Variants in CLASP2 observed in about 807,000 individuals in gnomAD.
The protein encoded by CLASP2 is CLIP-associating protein 2.
In CLASP2, 47 loss-of-function variants were observed where a neutral mutation model predicts 194.4. That is an observed-to-expected ratio of 0.24 (90% CI 0.19 to 0.31). CLASP2 has a LOEUF of 0.31. Among genes scored for constraint, CLASP2 ranks in the 10% least tolerant of loss-of-function variants. CLASP2 has a pLI of 1.00. For synonymous variants in CLASP2, 619 were observed against 633.5 expected, an observed-to-expected ratio of 0.98 and a Z score of 0.34; for missense variants, 1,445 against 1,823.6, an observed-to-expected ratio of 0.79 and a Z score of 3.78.
chr3:33,643,961 C>G, intron 8 of CLASP2, among the ~76,000 whole-genome samples: 2 of 152,092 alleles, frequency 1.3e-5, no homozygotes, highest in Middle Eastern at 6.8e-3. Flanking sequence ...CTAAGACATA[C>G]ATTTATTTTT....
At chr3:33,529,623 T>G (rs951114857) in intron 34 of CLASP2, among the ~76,000 whole-genome samples, 1 of 152,176 alleles carries the variant, frequency 6.6e-6, no homozygotes, top group Non-Finnish European at 1.5e-5. Flanking sequence ...AACACACACA[T>G]TAGTCTAGTC....
chr3:33,619,117 T>C lies in CLASP2; in HGVS notation c.1317+486A>G, dbSNP rs141348762. ...AACACTCTAGGATAGAGTAACACAA[T>C]AGTAAGTATTGTGTATCGGAACATA... is the stretch of plus-strand genomic sequence containing the variant. On this transcript the variant is annotated intron_variant, in intron 12 of 38. Coordinates refer to ENST00000682230, the MANE Select transcript of CLASP2 (RefSeq NM_001365631.1). Among the ~76,000 whole-genome samples the C allele has an allele frequency of 6.8e-4, 104 of 152,254 alleles. No individual in the cohort carries two copies. The Middle Eastern group carries it at 0.017, about 25-fold the overall frequency.
chr3:33,522,219 T>A (rs973997359), intron 34 of CLASP2, among the ~76,000 whole-genome samples: 1 of 152,140 alleles, frequency 6.6e-6, no homozygotes, highest in Non-Finnish European at 1.5e-5. Context: ...TTTTTCCTTT[T>A]TGGGAGCCAG....
chr3:33,586,268 G>A (rs551833481), intron 21 of CLASP2, among the ~76,000 whole-genome samples: 2 of 152,116 alleles, frequency 1.3e-5, no homozygotes, highest in African/African-American at 4.8e-5. Flanking sequence ...CTGAGTAGGT[G>A]GGATTATAGG....
chr3:33,511,030 ATTTTTTTTT>A (rs397875429), intron 36 of CLASP2, among the ~76,000 whole-genome samples: 1 of 105,892 alleles, frequency 9.4e-6, no homozygotes, highest in African/African-American at 3.5e-5. Flanking sequence ...TGGCTAAAGT[ATTTTTTTTT>A]TTTTTTTTTT....
At chr3:33,676,888 G>A (rs947350247) in intron 6 of CLASP2, among the ~76,000 whole-genome samples, 1 of 152,258 alleles carries the variant, frequency 6.6e-6, no homozygotes, top group South Asian at 2.1e-4. Flanking sequence ...CAAAAAGTGG[G>A]CGAAGGATAT....
At chr3:33,702,164 G>A (rs2092419464) in intron 1 of CLASP2, among the ~76,000 whole-genome samples, 1 of 152,072 alleles carries the variant, frequency 6.6e-6, no homozygotes, top group South Asian at 2.1e-4. Flanking sequence ...AATTCAAGGG[G>A]CCCAGAATTG....
rs2045806033 is a variant in CLASP2, at chr3:33,496,546, A to G, written c.*2085T>C. Reference sequence around the variant, plus strand: ...AGCTTTCATTTGGACACATTAAACCATACTTTTCCATTATGTAGTTAATTC... The same window carrying G: ...AGCTTTCATTTGGACACATTAAACCGTACTTTTCCATTATGTAGTTAATTC... On this transcript the variant is annotated 3_prime_UTR_variant, in exon 39 of 39. Transcript: ENST00000682230. 2.0e-5 allele frequency: 3 copies of G among 152,270 alleles called. No individual in the cohort carries two copies. Among genetic ancestry groups the G allele is most frequent in the African/African-American group, 7.2e-5 (3 of 41,572 alleles). The allele number at this position is 152,270 out of a possible 1,614,324, so 9.4% of individuals were successfully genotyped here. A position where few individuals can be genotyped will look rare whatever the true frequency, so the allele number is the denominator to read the frequency against.
At chr3:33,705,788 T>C (rs1431222835) in intron 1 of CLASP2, among the ~76,000 whole-genome samples, 1 of 152,076 alleles carries the variant, frequency 6.6e-6, no homozygotes, top group East Asian at 1.9e-4. Context: ...CCATGGTGTA[T>C]CCACACTACA....
chr3:33,569,358 G>T (rs1488225724), intron 26 of CLASP2, among the ~76,000 whole-genome samples: 1 of 152,164 alleles, frequency 6.6e-6, no homozygotes. Context: ...TCTAGCTTTG[G>T]TCTTATATCT....
At chr3:33,543,717 T>C (rs1366916338) in intron 31 of CLASP2, among the ~76,000 whole-genome samples, 178 bp from the exon 32 acceptor site, 31 of 152,192 alleles carry the variant, frequency 2.0e-4, no homozygotes, top group Admixed American at 2.0e-3. Flanking sequence ...TCTCCCTACT[T>C]AGGAATGTAA....
At chr3:33,607,810 G>A (rs2074229138) in intron 14 of CLASP2, among the ~76,000 whole-genome samples, 1 of 152,168 alleles carries the variant, frequency 6.6e-6, no homozygotes. Context: ...ATCCACCACT[G>A]TAGAAATGAT....
At chr3:33,573,570 G>A in intron 24 of CLASP2, 1 of 599,336 alleles carries the variant, frequency 1.7e-6, no homozygotes, top group South Asian at 1.8e-5. Context: ...TATGGGAAGT[G>A]GTAGAAGCAG....
rs200173274 is a variant in CLASP2 at position 33,675,754 on chromosome 3, T to G, written c.644+8605A>C. Among the ~76,000 whole-genome samples, 1,028 of 123,516 alleles carry G rather than the reference T, an allele frequency of 8.3e-3. 10 individuals are homozygous for G. Among genetic ancestry groups the G allele is most frequent in the East Asian group, 0.022 (80 of 3,682 alleles). The allele number at this position is 123,516 out of a possible 152,430, so 81.0% of individuals were successfully genotyped here. A position where few individuals can be genotyped will look rare whatever the true frequency, so the allele number is the denominator to read the frequency against. ...TTCAGCAAAGTCTCAGGATACAAAA[T>G]CAATGTACAAAAATCACAAGCATTC... On this transcript the variant is annotated intron_variant, in intron 6 of 38. Coordinates refer to ENST00000682230, the MANE Select transcript of CLASP2 (RefSeq NM_001365631.1).
intron 25 of CLASP2, among the ~76,000 whole-genome samples, chr3:33,571,423 G>A (rs148241711): frequency 0.064 from 9,633 of 151,170 alleles, 982 homozygotes; most frequent in African/African-American, 0.22. Context: ...GAGGTCAGGA[G>A]TTTGAGACCA....
At chr3:33,685,036 T>C (rs1039539913) in intron 5 of CLASP2, among the ~76,000 whole-genome samples, 1 of 134,564 alleles carries the variant, frequency 7.4e-6, no homozygotes, top group African/African-American at 2.8e-5. Context: ...TAAATAATAA[T>C]AATAATAATA....
intron 8 of CLASP2, 75 bp downstream of exon 8, chr3:33,644,682 C>T: frequency 6.6e-7 from 1 of 1,507,878 alleles, no homozygotes. Flanking sequence ...ACATATTCCT[C>T]TGAAGTTCCA....
intron 6 of CLASP2, among the ~76,000 whole-genome samples, chr3:33,664,558 AT>A (rs1553649399): frequency 1.3e-5 from 2 of 152,184 alleles, no homozygotes; most frequent in African/African-American, 4.8e-5. Flanking sequence ...GAACTAAAAA[AT>A]TTTTTTAGTT....
At position 33,576,219 on chromosome 3, in the gene CLASP2, G is replaced by T. The variant is rs752358335; in HGVS notation, c.2404C>A (p.Arg802=). 1.1e-5 allele frequency: 17 copies of T among 1,613,782 alleles called. No homozygotes were observed. Among genetic ancestry groups the T allele is most frequent in the South Asian group, 5.5e-5 (5 of 91,076 alleles). The part of the protein sequence containing the change: ...SRLSSSVSAM[R]VLNTGSDVEE... The stretch of plus-strand genomic sequence containing the variant: ...ACATCAGAACCTGTGTTCAGGACTC[G>T]CATGGCACTAACAGAAGACGACAGT... The change falls in exon 24 of 39, where the codon CGA becomes AGA. Residue 802 remains arginine (R), a synonymous_variant. Coordinates refer to ENST00000682230, the MANE Select transcript of CLASP2 (RefSeq NM_001365631.1).
Sources: gnomAD v4.1 joint callset for allele counts (sites outside exome capture counted in the v4.1 genomes callset) on GRCh38, gnomAD v4.1.1 for gene constraint, MANE v1.5 for transcripts, NCBI Gene and HGNC (gene_info 2026-07-23, HGNC 2026-07-21) for gene names.